STAG2: variants seen among roughly 807,000 people sequenced by gnomAD.
STAG2 encodes the protein STAG2 cohesin complex component.
A neutral mutation model predicts 108.1 loss-of-function variants in STAG2; 14 were observed. That is an observed-to-expected ratio of 0.13 (90% CI 0.09 to 0.20). STAG2 has a LOEUF of 0.20. STAG2 is among the 10% of genes least tolerant of loss of function. STAG2 has a pLI of 1.00. For missense variants in STAG2, 440 were observed against 940.9 expected (o/e 0.47, Z 6.96); for synonymous variants, 307 against 302.7 (o/e 1.01, Z -0.15).
intron 30 of STAG2, among the ~76,000 whole-genome samples, chrX:124,089,924 G>T (rs1436768611): frequency 9.1e-6 from 1 of 110,010 alleles, no homozygotes; most frequent in African/African-American, 3.3e-5. Flanking sequence ...ACTATAGGAG[G>T]CCAAGGCAGG....
chrX:124,041,710 C>A (rs1283162890), intron 6 of STAG2, among the ~76,000 whole-genome samples: 1 of 111,391 alleles, frequency 9.0e-6, no homozygotes, highest in Non-Finnish European at 1.9e-5. Context: ...GTTCATGTAT[C>A]TCTTCTTACT....
At chrX:124,013,602 A>G (rs2056599859) in intron 1 of STAG2, among the ~76,000 whole-genome samples, 1 of 111,862 alleles carries the variant, frequency 8.9e-6, no homozygotes, top group Non-Finnish European at 1.9e-5. Flanking sequence ...TTCAAATTAG[A>G]TAGCAGATAT....
At chrX:123,968,889 G>A (rs1018732356) in intron 1 of STAG2, among the ~76,000 whole-genome samples, 1 of 111,457 alleles carries the variant, frequency 9.0e-6, no homozygotes, top group Non-Finnish European at 1.9e-5. Flanking sequence ...GGAAATTGAC[G>A]CTCTCAGAGA....
intron 1 of STAG2, among the ~76,000 whole-genome samples, chrX:124,002,685 C>T (rs762051820): frequency 3.4e-4 from 37 of 110,420 alleles, no homozygotes; most frequent in Middle Eastern, 4.7e-3. Flanking sequence ...AGTGCAATGG[C>T]GCGATCTTGG....
chrX:124,091,224 C>T (rs960514293), intron 32 of STAG2, among the ~76,000 whole-genome samples: 1 of 111,598 alleles, frequency 9.0e-6, no homozygotes, highest in African/African-American at 3.3e-5. Flanking sequence ...TGGTACACAG[C>T]ATTAAAAATA....
At chrX:124,038,839 A>T (rs1485710182) in intron 6 of STAG2, among the ~76,000 whole-genome samples, 1 of 111,751 alleles carries the variant, frequency 8.9e-6, no homozygotes, top group Non-Finnish European at 1.9e-5. Context: ...AATATTAGAA[A>T]ATTCAGCTGA....
intron 1 of STAG2, among the ~76,000 whole-genome samples, chrX:124,015,741 A>G (rs529107016): frequency 2.7e-5 from 3 of 112,181 alleles, no homozygotes; most frequent in African/African-American, 9.7e-5. Context: ...GTAGATATTT[A>G]TGTCCACATT....
intron 19 of STAG2, 84 bp downstream of exon 19, chrX:124,063,289 TG>T (rs886996853): frequency 2.9e-5 from 22 of 764,439 alleles, no homozygotes; most frequent in African/African-American, 4.3e-5. Context: ...TTTCTTAAAA[TG>T]TTTTTTTGGA....
intron 1 of STAG2, among the ~76,000 whole-genome samples, chrX:124,020,431 C>T (rs1411070735): frequency 1.8e-5 from 2 of 112,076 alleles, no homozygotes; most frequent in Non-Finnish European, 3.8e-5. Flanking sequence ...TTCTGTGCCT[C>T]TCCAGTTCCT....
At chrX:124,091,027 T>C in intron 32 of STAG2, 63 bp downstream of exon 32, 1 of 835,508 alleles carries the variant, frequency 1.2e-6, no homozygotes. Flanking sequence ...AACATTTTAA[T>C]GTGTGCCTTA....
At position 124,082,617 on chromosome X, in the gene STAG2, C is replaced by T. The variant is rs772956284; in HGVS notation, c.2925-804C>T. Among the ~76,000 whole-genome samples, 4 of 110,396 alleles carry T rather than the reference C, an allele frequency of 3.6e-5. No individual in the cohort carries two copies. The South Asian group carries it at 1.6e-3, about 43-fold the overall frequency. ...CCATGTTGCCCAGGCTGGTCTTGAA[C>T]CCCTGGCCTCAAGAGATCCTCCCAC... is the stretch of plus-strand genomic sequence containing the variant. On this transcript the variant is annotated intron_variant, in intron 28 of 34. Coordinates refer to ENST00000371145, the MANE Select transcript of STAG2 (RefSeq NM_001042750.2).
rs750023465 is a variant in STAG2, at chrX:124,056,092, C to T, written c.1197-36C>T. 8 of 962,835 alleles carry T rather than the reference C, an allele frequency of 8.3e-6. No individual in the cohort carries two copies. In the South Asian group the frequency reaches 9.3e-5, roughly 11 times the overall value. 79.3% of individuals were successfully genotyped at this position (962,835 alleles called of 1,213,427 possible). ...ACTGTTAATATGCTTAGAATTAGGACGTTACTAAAAGCACCTGTTACTGCT... is the reference window on the plus strand; with the variant it reads ...ACTGTTAATATGCTTAGAATTAGGATGTTACTAAAAGCACCTGTTACTGCT... On this transcript the variant is annotated intron_variant, in intron 13 of 34. Transcript: ENST00000371145.
At chrX:123,963,475 G>C (rs2053962026) in intron 1 of STAG2, 1 of 111,305 alleles carries the variant, frequency 9.0e-6, no homozygotes, top group Non-Finnish European at 1.9e-5. Context: ...ACCACTTAAC[G>C]TTAAAATGCC....
At chrX:124,020,011 A>G (rs2056872544) in intron 1 of STAG2, among the ~76,000 whole-genome samples, 1 of 112,617 alleles carries the variant, frequency 8.9e-6, no homozygotes, top group Non-Finnish European at 1.9e-5. Flanking sequence ...TACATCTTAC[A>G]TCTTTGATTT....
chrX:124,093,795 G>T, intron 32 of STAG2: 1 of 364,890 alleles, frequency 2.7e-6, no homozygotes, highest in Admixed American at 5.3e-5. Context: ...AAAGCTAAAT[G>T]TACTGAAGTA....
intron 1 of STAG2, among the ~76,000 whole-genome samples, chrX:124,002,747 C>G (rs2056100835): frequency 1.8e-5 from 2 of 110,322 alleles, no homozygotes; most frequent in African/African-American, 6.6e-5. Flanking sequence ...GCTTCAGCCT[C>G]CTGAGTAGCT....
intron 27 of STAG2, 31 bp downstream of exon 27, chrX:124,078,089 C>T (rs1191819432): frequency 3.0e-6 from 3 of 1,008,734 alleles, no homozygotes; most frequent in Admixed American, 2.6e-5. Flanking sequence ...CTTTAGCTAA[C>T]ACAATTAACA....
chrX:124,045,007 T>G lies in STAG2; in HGVS notation c.463-157T>G, dbSNP rs190335668. ...TGAAGTGTTCAGAGGTACCCCTACC[T>G]TTATATATTGTTCTCTTGCCTACTT... On this transcript the variant is annotated intron_variant, in intron 7 of 34. Coordinates refer to ENST00000371145, the MANE Select transcript of STAG2 (RefSeq NM_001042750.2). Among the ~76,000 whole-genome samples, 13 of 111,903 alleles carry G rather than the reference T, an allele frequency of 1.2e-4. No homozygotes were observed. The East Asian group carries it at 3.4e-3, about 29-fold the overall frequency.
intron 13 of STAG2, among the ~76,000 whole-genome samples, chrX:124,051,870 G>A (rs1422192684): frequency 4.4e-5 from 5 of 112,420 alleles, no homozygotes; most frequent in Non-Finnish European, 7.5e-5. Context: ...GATTACAGGC[G>A]TGAGCCACTG....
Sources: allele counts gnomAD v4.1 joint callset (sites outside exome capture counted in the v4.1 genomes callset), GRCh38; gene constraint gnomAD v4.1.1; transcripts MANE v1.5; gene names NCBI Gene and HGNC (gene_info 2026-07-23, HGNC 2026-07-21).